TOP3A: variants seen among roughly 807,000 people sequenced by gnomAD.
The protein encoded by TOP3A is DNA topoisomerase III alpha.
TOP3A carries 64 observed loss-of-function variants against 111.3 expected under a neutral mutation model. The observed-to-expected ratio is 0.57, with a 90% CI of 0.47 to 0.71. The LOEUF (loss-of-function observed/expected upper bound fraction) is 0.71. Ranked by LOEUF, TOP3A falls within the 30% of genes least tolerant of loss-of-function variation. The pLI is 0.00. For synonymous variants in TOP3A, 484 were observed against 485.1 expected, an observed-to-expected ratio of 1.00 and a Z score of 0.03; for missense variants, 1,104 against 1,285.0, an observed-to-expected ratio of 0.86 and a Z score of 2.15.
At chr17:18,294,832 G>A (rs1980695861) in intron 9 of TOP3A, 47 bp from the exon 10 acceptor site, 1 of 1,283,030 alleles carries the variant, frequency 7.8e-7, no homozygotes, top group Non-Finnish European at 1.1e-6. Flanking sequence ...CATGGGTCAG[G>A]CAGCACAACT....
rs138360026 is a variant in TOP3A at position 18,283,732 on chromosome 17, G to C, written c.1878-891C>G. Among the ~76,000 whole-genome samples, 216 of 152,302 alleles carry C rather than the reference G, an allele frequency of 1.4e-3. 1 individual carries two copies. The highest frequency in any genetic ancestry group is 6.8e-3 in the Middle Eastern group (2 of 294). ...AGTCACAAATCCCAGGCTGTGACCT[G>C]TGCTTCTGACTGACTGGCTATAAAC... is the stretch of plus-strand genomic sequence containing the variant. On this transcript the variant is annotated intron_variant, in intron 15 of 18. Coordinates refer to ENST00000321105, the MANE Select transcript of TOP3A (RefSeq NM_004618.5).
chr17:18,274,536 G>A lies in TOP3A; in HGVS notation c.*266C>T, dbSNP rs1013519271. On this transcript the variant is annotated 3_prime_UTR_variant, in exon 19 of 19. Transcript: ENST00000321105. ...TCTGCTAACAGCAACCATCCTTGGG[G>A]GGTCCGAGGGAGCAGCTGCGTGACT... The A allele has an allele frequency of 2.0e-5, 7 of 342,146 alleles. No homozygotes were observed. The highest frequency in any genetic ancestry group is 8.5e-5 in the Admixed American group (2 of 23,506). 21.2% of individuals were successfully genotyped at this position (342,146 alleles called of 1,614,324 possible).
At chr17:18,283,576 C>G (rs756217616) in intron 15 of TOP3A, among the ~76,000 whole-genome samples, 5 of 152,138 alleles carry the variant, frequency 3.3e-5, no homozygotes, top group African/African-American at 1.2e-4. Context: ...ATACACCAAG[C>G]AACTCTCCCG....
intron 12 of TOP3A, 38 bp from the exon 13 acceptor site, chr17:18,290,724 A>G: frequency 1.9e-6 from 3 of 1,579,720 alleles, no homozygotes. Context: ...AGATGATTCC[A>G]TCAGCACACT....
intron 1 of TOP3A, among the ~76,000 whole-genome samples, chr17:18,309,486 TACA>T (rs1981780066): frequency 1.3e-5 from 2 of 151,954 alleles, no homozygotes; most frequent in South Asian, 4.2e-4. Context: ...CTACTAAAAA[TACA>T]ACAATTGGCC....
At chr17:18,303,787 A>G (rs1981385422) in intron 5 of TOP3A, among the ~76,000 whole-genome samples, 1 of 152,140 alleles carries the variant, frequency 6.6e-6, no homozygotes. Flanking sequence ...AGGAACTGAG[A>G]CCAGCACTGG....
chr17:18,287,268 T>TAACCCTAA (rs1177312204), intron 13 of TOP3A, among the ~76,000 whole-genome samples: 1 of 152,106 alleles, frequency 6.6e-6, no homozygotes, highest in Non-Finnish European at 1.5e-5. Context: ...GCATGGTGGC[T>TAACCCTAA]CAGGCCTATA....
At chr17:18,279,858 A>T (rs976776863) in intron 17 of TOP3A, among the ~76,000 whole-genome samples, 3 of 152,106 alleles carry the variant, frequency 2.0e-5, no homozygotes, top group Non-Finnish European at 4.4e-5. Context: ...GGCTAATTTA[A>T]AATTTTTTTT....
intron 9 of TOP3A, among the ~76,000 whole-genome samples, chr17:18,298,312 A>AC (rs1440678936): frequency 1.4e-5 from 2 of 146,122 alleles, no homozygotes; most frequent in Non-Finnish European, 3.0e-5. Context: ...CCCAGCAGCC[A>AC]CCTCGTCCGG....
At chr17:18,307,079 C>T (rs1981623724) in intron 3 of TOP3A, 113 bp from the exon 4 acceptor site, 2 of 698,850 alleles carry the variant, frequency 2.9e-6, no homozygotes, top group Admixed American at 5.4e-5. Flanking sequence ...AAGAAAAGGT[C>T]CCGGTGAATT....
rs1979887832 is a variant in TOP3A at position 18,283,347 on chromosome 17, C to T, written c.1878-506G>A. 2.0e-5 allele frequency among the ~76,000 whole-genome samples: 3 copies of T among 151,652 alleles called. No individual in the cohort carries two copies. In the South Asian group the frequency reaches 6.3e-4, roughly 32 times the overall value. On this transcript the variant is annotated intron_variant, in intron 15 of 18. Transcript: ENST00000321105. Reference sequence around the variant, plus strand: ...TCACGCCATTGCACCCTAGCCTGGGCAACAAGAGCGAAACTCCATCTCAAA... The same window carrying T: ...TCACGCCATTGCACCCTAGCCTGGGTAACAAGAGCGAAACTCCATCTCAAA...
At chr17:18,314,260 G>A (rs1284314877) in intron 1 of TOP3A, among the ~76,000 whole-genome samples, 2 of 152,152 alleles carry the variant, frequency 1.3e-5, no homozygotes, top group African/African-American at 2.4e-5. Context: ...TGAATCTCTA[G>A]GGAAAAACAG....
In TOP3A at chr17:18,297,438, G is replaced by GGTC. The variant is rs765768547; in HGVS notation, c.990+2120_990+2121insGAC. On this transcript the variant is annotated intron_variant, in intron 9 of 18. Transcript: ENST00000321105. Reference sequence around the variant, plus strand: ...GAAACTGCGCCCTGTCCCTGTCCCTGTCCCTCTCCCTCTCCCCACGGTCTC... The same window carrying GGTC: ...GAAACTGCGCCCTGTCCCTGTCCCTGGTCTCCCTCTCCCTCTCCCCACGGTCTC... Among the ~76,000 whole-genome samples, 307 of 146,022 alleles carry GGTC rather than the reference G, an allele frequency of 2.1e-3. 1 individual carries two copies. The highest frequency in any genetic ancestry group is 7.5e-3 in the African/African-American group (288 of 38,160).
In TOP3A at chr17:18,307,414, C is replaced by T. The variant is rs142274787; in HGVS notation, c.315-448G>A. 969 of 153,354 alleles carry T rather than the reference C, an allele frequency of 6.3e-3. 3 individuals are homozygous for T. The highest frequency in any genetic ancestry group is 8.0e-3 in the Non-Finnish European group (553 of 68,928). The allele number at this position is 153,354 out of a possible 1,614,324, so 9.5% of individuals were successfully genotyped here. On this transcript the variant is annotated intron_variant, in intron 3 of 18. Transcript: ENST00000321105. ...GAGATCGAGACTAGCCTGGCTAACA[C>T]GGTGAAACCCCGTCTCTACTAAAAA...
intron 17 of TOP3A, 116 bp from the exon 18 acceptor site, chr17:18,278,473 A>AT: frequency 2.2e-6 from 2 of 920,146 alleles, no homozygotes; most frequent in Non-Finnish European, 3.1e-6. Context: ...TGCATCAGGA[A>AT]GCCCACACAA....
chr17:18,294,898 G>A, intron 9 of TOP3A, 113 bp from the exon 10 acceptor site: 2 of 703,424 alleles, frequency 2.8e-6, no homozygotes, highest in Non-Finnish European at 5.0e-6. Flanking sequence ...AGGTGCTTCT[G>A]TCAAACAGAG....
chr17:18,297,768 C>T (rs934578083), intron 9 of TOP3A, among the ~76,000 whole-genome samples: 11 of 152,062 alleles, frequency 7.2e-5, no homozygotes, highest in African/African-American at 2.4e-4. Flanking sequence ...GATCTCGGCT[C>T]GCTACAACCT....
intron 9 of TOP3A, among the ~76,000 whole-genome samples, chr17:18,296,740 T>C (rs546931825): frequency 6.6e-6 from 1 of 152,342 alleles, no homozygotes; most frequent in South Asian, 2.1e-4. Flanking sequence ...GTGTTCTGTA[T>C]GTCCAACCTC....
chr17:18,297,028 G>C (rs1344168917), intron 9 of TOP3A, among the ~76,000 whole-genome samples: 1 of 152,200 alleles, frequency 6.6e-6, no homozygotes, highest in African/African-American at 2.4e-5. Context: ...AAAACAGGAA[G>C]AGATACTAGT....
Sources: allele counts gnomAD v4.1 joint callset (sites outside exome capture counted in the v4.1 genomes callset), GRCh38; gene constraint gnomAD v4.1.1; transcripts MANE v1.5; gene names NCBI Gene and HGNC (gene_info 2026-07-23, HGNC 2026-07-21).